Variants in CMKLR1 observed in about 807,000 individuals in gnomAD.
The protein encoded by CMKLR1 is chemerin-like receptor 1.
In CMKLR1, 6 loss-of-function variants were observed where a neutral mutation model predicts 8.2. The observed-to-expected ratio is 0.73, with a 90% CI of 0.40 to 1.44. The LOEUF (loss-of-function observed/expected upper bound fraction) is 1.44, where lower values mean the gene tolerates loss of function less well. Ranked by LOEUF, CMKLR1 falls within the 40% of genes most tolerant of loss-of-function variation. CMKLR1 has a pLI of 0.02. For synonymous variants in CMKLR1, 178 were observed against 181.2 expected, an observed-to-expected ratio of 0.98 and a Z score of 0.14; for missense variants, 429 against 478.0, an observed-to-expected ratio of 0.90 and a Z score of 0.96.
In CMKLR1 at chr12:108,310,163, C is replaced by CTGTGTGTGTG. The variant is rs35140046; in HGVS notation, c.-73-16509_-73-16500dup. 6.3e-5 allele frequency among the ~76,000 whole-genome samples: 9 copies of CTGTGTGTGTG among 142,418 alleles called. No individual in the cohort carries two copies. In the South Asian group the frequency reaches 7.0e-4, roughly 11 times the overall value. The allele number at this position is 142,418 out of a possible 152,430, so 93.4% of individuals were successfully genotyped here. ...AGGCTTGAAAAAGTGTGGTTAGGGG[C>CTGTGTGTGTG]TGTGTGTGTGTGTGTGTGTGTGTGT... On this transcript the variant is annotated intron_variant, in intron 2 of 3. Transcript: ENST00000550402.
intron 2 of CMKLR1, among the ~76,000 whole-genome samples, chr12:108,312,797 C>A (rs1411706997): frequency 6.6e-6 from 1 of 152,180 alleles, no homozygotes; most frequent in Non-Finnish European, 1.5e-5. Context: ...CCCACCTGTG[C>A]AACTTCCGCA....
chr12:108,312,321 G>A (rs1267537466), intron 2 of CMKLR1, among the ~76,000 whole-genome samples: 4 of 152,158 alleles, frequency 2.6e-5, no homozygotes, highest in Non-Finnish European at 4.4e-5. Flanking sequence ...GGGCTGACAG[G>A]CCCCTTTCAT....
At chr12:108,324,837 G>GGGTGCAGGAGTGT (rs1407506789) in intron 2 of CMKLR1, among the ~76,000 whole-genome samples, 4 of 77,906 alleles carry the variant, frequency 5.1e-5, no homozygotes, top group African/African-American at 2.2e-4. Flanking sequence ...CCACAATGTG[G>GGGTGCAGGAGTGT]TGGGTGGCCT....
chr12:108,304,715 C>T (rs1278335053), intron 2 of CMKLR1, among the ~76,000 whole-genome samples: 1 of 152,248 alleles, frequency 6.6e-6, no homozygotes, highest in Non-Finnish European at 1.5e-5. Flanking sequence ...CTCCTGCACA[C>T]CGGTCACGGG....
intron 2 of CMKLR1, among the ~76,000 whole-genome samples, chr12:108,311,427 C>T (rs992010613): frequency 4.6e-5 from 7 of 152,134 alleles, no homozygotes; most frequent in Non-Finnish European, 1.0e-4. Flanking sequence ...CCAGCTTGGG[C>T]ATCATAGAGA....
intron 2 of CMKLR1, among the ~76,000 whole-genome samples, chr12:108,303,148 C>T (rs1031761468): frequency 1.3e-5 from 2 of 152,188 alleles, no homozygotes; most frequent in Non-Finnish European, 2.9e-5. Flanking sequence ...CCCCGTTAGG[C>T]GGGAATGAAC....
chr12:108,312,164 C>G (rs1891599093), intron 2 of CMKLR1, among the ~76,000 whole-genome samples: 1 of 152,208 alleles, frequency 6.6e-6, no homozygotes, highest in Non-Finnish European at 1.5e-5. Context: ...GACATTACCT[C>G]CATTTCACAG....
At chr12:108,318,832 C>T (rs527466842) in intron 2 of CMKLR1, among the ~76,000 whole-genome samples, 7 of 152,166 alleles carry the variant, frequency 4.6e-5, no homozygotes, top group Non-Finnish European at 5.9e-5. Context: ...GTTGAAGCTG[C>T]TTTTTATTCT....
chr12:108,310,792 G>T (rs915099562), intron 2 of CMKLR1, among the ~76,000 whole-genome samples: 1 of 152,106 alleles, frequency 6.6e-6, no homozygotes, highest in African/African-American at 2.4e-5. Flanking sequence ...TGGTAACACC[G>T]AGTCCCCCAT....
At chr12:108,293,769 AT>A in intron 2 of CMKLR1, 105 bp from the exon 3 acceptor site, 1 of 660,606 alleles carries the variant, frequency 1.5e-6, no homozygotes, top group Non-Finnish European at 2.6e-6. Context: ...TCTTATTCCC[AT>A]TTTACAGAGA....
intron 2 of CMKLR1, among the ~76,000 whole-genome samples, chr12:108,322,467 T>C (rs996922785): frequency 6.6e-6 from 1 of 152,184 alleles, no homozygotes; most frequent in Non-Finnish European, 1.5e-5. Context: ...GAAAGTGCAA[T>C]GCTTTTGTGC....
intron 1 of CMKLR1, among the ~76,000 whole-genome samples, chr12:108,332,809 G>A (rs1892139613): frequency 6.6e-6 from 1 of 151,982 alleles, no homozygotes; most frequent in South Asian, 2.1e-4. Context: ...AATACATCCT[G>A]TCTCTACAAA....
chr12:108,319,536 A>G (rs570650699), intron 2 of CMKLR1, among the ~76,000 whole-genome samples: 13 of 152,344 alleles, frequency 8.5e-5, no homozygotes, highest in Non-Finnish European at 1.5e-4. Flanking sequence ...CAGTTTCCCA[A>G]TCTGTAAAAT....
chr12:108,293,152 GC>G (rs1431037321), intron 3 of CMKLR1, among the ~76,000 whole-genome samples, 193 bp from the exon 4 acceptor site: 3 of 152,088 alleles, frequency 2.0e-5, no homozygotes, highest in Non-Finnish European at 4.4e-5. Context: ...AGGCACTATT[GC>G]ATTCTACACT....
chr12:108,315,952 G>A (rs529153394), intron 2 of CMKLR1, among the ~76,000 whole-genome samples: 1 of 152,264 alleles, frequency 6.6e-6, no homozygotes, highest in African/African-American at 2.4e-5. Context: ...GCTGCTTACT[G>A]TTGGGTGAGT....
At chr12:108,315,478 G>A (rs188553768) in intron 2 of CMKLR1, among the ~76,000 whole-genome samples, 1 of 152,254 alleles carries the variant, frequency 6.6e-6, no homozygotes, top group African/African-American at 2.4e-5. Context: ...TCCCTCCTCT[G>A]GCCTAGAAGC....
Position 108,292,761 on chromosome 12 carries a change from T to G in CMKLR1, c.202A>C (p.Lys68Gln). 1 of 1,614,178 alleles carries G rather than the reference T, an allele frequency of 6.2e-7. No homozygotes were observed. Among genetic ancestry groups the G allele is most frequent in the South Asian group, 1.1e-5 (1 of 91,084 alleles). The change falls in exon 4 of 4, where the codon AAG becomes CAG. Residue 68 changes from lysine (K) to glutamine (Q), a missense_variant. Physicochemically the swap from Lys to Gln is moderately conservative, Grantham distance 53. Transcript: ENST00000550402. ...ACCATGTTCACTGTCTTCTTCATCT[T>G]GAAGGTGGCAATGATGATCACCAGA... Reference protein sequence around the residue: ...NGLVIIIATFKMKKTVNMVWF... With the variant: ...NGLVIIIATFQMKKTVNMVWF...
At chr12:108,309,135 T>C (rs1891485838) in intron 2 of CMKLR1, among the ~76,000 whole-genome samples, 1 of 152,188 alleles carries the variant, frequency 6.6e-6, no homozygotes, top group Non-Finnish European at 1.5e-5. Flanking sequence ...AAGGATTGAA[T>C]GTTGGTAATG....
rs533356341 is a variant in CMKLR1 at position 108,291,453 on chromosome 12, C to G, written c.*388G>C. ...CTGCATCACACTGGGTTTGCTCTGA[C>G]CCCCTCACTGCTCACACCAGGAATG... On this transcript the variant is annotated 3_prime_UTR_variant, in exon 4 of 4. Coordinates refer to ENST00000550402, the MANE Select transcript of CMKLR1 (RefSeq NM_001142343.2). 7.3e-5 allele frequency: 15 copies of G among 204,270 alleles called. No individual in the cohort carries two copies. In the South Asian group the frequency reaches 1.5e-3, roughly 20 times the overall value. 12.7% of individuals were successfully genotyped at this position (204,270 alleles called of 1,614,324 possible).
Sources: allele counts gnomAD v4.1 joint callset (sites outside exome capture counted in the v4.1 genomes callset), GRCh38; gene constraint gnomAD v4.1.1; transcripts MANE v1.5; gene names NCBI Gene and HGNC (gene_info 2026-07-23, HGNC 2026-07-21).